The following PAM variants were observed in gnomAD, a reference collection of about 807,000 sequenced individuals.
The protein encoded by PAM is peptidylglycine alpha-amidating monooxygenase, also known as peptidyl-glycine alpha-amidating monooxygenase.
PAM carries 72 observed loss-of-function variants against 122.1 expected under a neutral mutation model. That is an observed-to-expected ratio of 0.59 (90% CI 0.49 to 0.72). The LOEUF (loss-of-function observed/expected upper bound fraction) is 0.72, where lower values mean the gene tolerates loss of function less well. Ranked by LOEUF, PAM falls within the 30% of genes least tolerant of loss-of-function variation. The pLI, the probability that PAM is intolerant of heterozygous loss-of-function variation, is 0.00. For synonymous variants in PAM, 389 were observed against 404.4 expected, an observed-to-expected ratio of 0.96 and a Z score of 0.46; for missense variants, 1,106 against 1,183.7, an observed-to-expected ratio of 0.93 and a Z score of 0.96.
chr5:103,026,988 A>C (rs971741530), intron 24 of PAM, among the ~76,000 whole-genome samples: 1 of 152,182 alleles, frequency 6.6e-6, no homozygotes, highest in Non-Finnish European at 1.5e-5. Context: ...TGTGTTAGGA[A>C]GGTAGAGACC....
At chr5:102,771,846 G>A (rs1209095264) in intron 1 of PAM, among the ~76,000 whole-genome samples, 1 of 152,096 alleles carries the variant, frequency 6.6e-6, no homozygotes, top group Non-Finnish European at 1.5e-5. Context: ...CCCCTAGAGG[G>A]GCTGTGATAT....
At chr5:102,886,950 T>A (rs1284697531) in intron 3 of PAM, among the ~76,000 whole-genome samples, 1 of 152,052 alleles carries the variant, frequency 6.6e-6, no homozygotes, top group East Asian at 1.9e-4. Context: ...TCAATACAGG[T>A]AGGAAAGTAA....
intron 11 of PAM, among the ~76,000 whole-genome samples, chr5:102,950,416 G>GGAGTGTGTGTGTGTGT (rs372626572): frequency 6.9e-6 from 1 of 145,966 alleles, no homozygotes; most frequent in Non-Finnish European, 1.5e-5. Flanking sequence ...TATGTGGGTG[G>GGAGTGTGTGTGTGTGT]GTGTGTGTGT....
intron 14 of PAM, among the ~76,000 whole-genome samples, chr5:102,972,451 T>A (rs1483892908): frequency 2.6e-5 from 4 of 152,054 alleles, no homozygotes; most frequent in African/African-American, 9.7e-5. Flanking sequence ...CCAGCTAATT[T>A]TTTTATTTCT....
At chr5:102,790,133 C>T (rs1277265412) in intron 1 of PAM, among the ~76,000 whole-genome samples, 1 of 151,964 alleles carries the variant, frequency 6.6e-6, no homozygotes, top group Non-Finnish European at 1.5e-5. Flanking sequence ...GCTTCATGTG[C>T]AAAATAATCA....
intron 3 of PAM, among the ~76,000 whole-genome samples, chr5:102,880,097 G>A (rs111365064): frequency 4.6e-5 from 7 of 152,082 alleles, no homozygotes; most frequent in African/African-American, 1.7e-4. Context: ...CCTGGGCAAC[G>A]TAACGAAATT....
At chr5:102,947,927 AG>A (rs1757547683) in intron 8 of PAM, among the ~76,000 whole-genome samples, 1 of 152,134 alleles carries the variant, frequency 6.6e-6, no homozygotes, top group Admixed American at 6.6e-5. Context: ...AATTCAAGGA[AG>A]GGTTGATGTT....
At chr5:102,970,785 C>CT (rs34274728) in intron 14 of PAM, among the ~76,000 whole-genome samples, 14 of 151,250 alleles carry the variant, frequency 9.3e-5, no homozygotes, top group East Asian at 3.9e-4. Context: ...CCTAAAAGGG[C>CT]TTTTTTTTTA....
chr5:102,905,657 A>G (rs1027335764), intron 4 of PAM, among the ~76,000 whole-genome samples: 1 of 151,596 alleles, frequency 6.6e-6, no homozygotes, highest in African/African-American at 2.4e-5. Flanking sequence ...TCCATGTTTT[A>G]TGGCTTTGGC....
At chr5:102,876,057 A>C (rs930509547) in intron 3 of PAM, among the ~76,000 whole-genome samples, 8 of 152,272 alleles carry the variant, frequency 5.3e-5, no homozygotes, top group African/African-American at 1.9e-4. Context: ...TCTTATTTGG[A>C]ATATCGTATT....
At chr5:102,881,129 T>TATACACAC (rs145380302) in intron 3 of PAM, among the ~76,000 whole-genome samples, 3 of 145,710 alleles carry the variant, frequency 2.1e-5, no homozygotes, top group African/African-American at 7.8e-5. Context: ...TTTTTATACA[T>TATACACAC]ACACACACAC....
intron 14 of PAM, among the ~76,000 whole-genome samples, chr5:102,970,573 AAAAAG>A (rs1346981091): frequency 6.6e-6 from 1 of 152,196 alleles, no homozygotes; most frequent in African/African-American, 2.4e-5. Flanking sequence ...TTTATTAATA[AAAAAG>A]AAAAGAGAGA....
At chr5:102,843,619 A>T (rs1458155737) in intron 1 of PAM, among the ~76,000 whole-genome samples, 1 of 152,152 alleles carries the variant, frequency 6.6e-6, no homozygotes, top group Non-Finnish European at 1.5e-5. Flanking sequence ...TCTGAGAAAG[A>T]CCTTATGCCT....
At chr5:102,761,303 C>G (rs1445643851) in intron 1 of PAM, among the ~76,000 whole-genome samples, 1 of 152,234 alleles carries the variant, frequency 6.6e-6, no homozygotes, top group South Asian at 2.1e-4. Context: ...AGCAGCAGAT[C>G]TGCTTCCCTA....
intron 16 of PAM, among the ~76,000 whole-genome samples, chr5:102,999,174 C>A (rs929734160): frequency 2.0e-5 from 3 of 152,328 alleles, no homozygotes; most frequent in Middle Eastern, 3.4e-3. Context: ...AGGTCCCTCC[C>A]AAATGGGAGA....
intron 6 of PAM, among the ~76,000 whole-genome samples, chr5:102,925,548 G>T (rs558196888): frequency 1.3e-5 from 2 of 152,054 alleles, no homozygotes; most frequent in Admixed American, 6.5e-5. Flanking sequence ...GGTGTGTGTG[G>T]GTCTGTTACA....
rs138435069 is a variant in PAM, at chr5:102,887,447, T to C, written c.211-13909T>C. Among the ~76,000 whole-genome samples, 630 of 152,078 alleles carry C rather than the reference T, an allele frequency of 4.1e-3. 8 individuals carry two copies. The highest frequency in any genetic ancestry group is 0.014 in the African/African-American group (595 of 41,510). On this transcript the variant is annotated intron_variant, in intron 3 of 25. Transcript: ENST00000438793. ...CACTAGAATCATGAGCCAACCTTTT[T>C]TCTTGGTAAACTACTCAGCCTCAGG...
intron 1 of PAM, among the ~76,000 whole-genome samples, chr5:102,782,972 T>C (rs1759460993): frequency 6.6e-6 from 1 of 152,132 alleles, no homozygotes; most frequent in African/African-American, 2.4e-5. Context: ...GTACCACTTT[T>C]ACACTTTGAA....
chr5:102,927,209 C>G (rs1354504621), intron 7 of PAM, among the ~76,000 whole-genome samples: 1 of 152,198 alleles, frequency 6.6e-6, no homozygotes, highest in Non-Finnish European at 1.5e-5. Context: ...CCCCTAGACA[C>G]CTGTTGCTCT....
Sources: allele counts gnomAD v4.1 joint callset (sites outside exome capture counted in the v4.1 genomes callset), GRCh38; gene constraint gnomAD v4.1.1; transcripts MANE v1.5; gene names NCBI Gene and HGNC (gene_info 2026-07-23, HGNC 2026-07-21).